TTN: variants seen among roughly 807,000 people sequenced by gnomAD.
TTN encodes connectin.
In TTN, 1,525 loss-of-function variants were observed where a neutral mutation model predicts 3,223.0. The ratio of observed to expected loss-of-function variants is 0.47; its 90% CI spans 0.45 to 0.49. The LOEUF (loss-of-function observed/expected upper bound fraction) is 0.49, where lower values mean the gene tolerates loss of function less well. Ranked by LOEUF, TTN falls within the 20% of genes least tolerant of loss-of-function variation. The pLI is 0.00. For missense variants in TTN, 40,786 were observed against 43,424.0 expected, an observed-to-expected ratio of 0.94 and a Z score of 5.40; for synonymous variants, 14,094 against 15,161.0, an observed-to-expected ratio of 0.93 and a Z score of 5.17.
intron 88 of TTN, among the ~76,000 whole-genome samples, 186 bp downstream of exon 88, chr2:178,716,909 T>A (rs532279488): frequency 9.2e-5 from 14 of 152,256 alleles, no homozygotes; most frequent in South Asian, 4.1e-4. Flanking sequence ...TTCCTAGTTT[T>A]AAATTTTTTT....
At chr2:178,686,656 C>T (rs985457290) in intron 127 of TTN, among the ~76,000 whole-genome samples, 2 of 151,970 alleles carry the variant, frequency 1.3e-5, no homozygotes, top group African/African-American at 4.8e-5. Context: ...CTCAAGCAAT[C>T]CTCCCTTCTC....
rs777910540 is a variant in TTN, at chr2:178,746,112, T to C, written c.11312-4191A>G. ...AGAGTGTGACTTCCCTTCTCCTCGC[T>C]AATCACGTATTTAATATTATCTGGC... On this transcript the variant is annotated intron_variant, in intron 47 of 362. Coordinates refer to ENST00000589042, the MANE Select transcript of TTN (RefSeq NM_001267550.2). 3.1e-6 allele frequency: 5 copies of C among 1,613,372 alleles called. No individual in the cohort carries two copies. The South Asian group carries it at 3.3e-5, about 11-fold the overall frequency.
Position 178,610,102 on chromosome 2 carries a change from G to T in TTN, c.51424C>A (p.Gln17142Lys). 1 of 1,612,732 alleles carries T rather than the reference G, an allele frequency of 6.2e-7. No homozygotes were observed. Among genetic ancestry groups the T allele is most frequent in the Non-Finnish European group, 8.5e-7 (1 of 1,179,260 alleles). The change falls in exon 271 of 363, where the codon CAA becomes AAA. Residue 17142 changes from glutamine (Q) to lysine (K), a missense_variant. Coordinates refer to ENST00000589042, the MANE Select transcript of TTN (RefSeq NM_001267550.2). ...YIELKNPVIA[Q>K]DPKQPPDPPV... ...TGTCCAAACTTACGCTTTGGATCTT[G>T]AGCAATGACTGGATTTTTCAGTTCA...
In TTN at chr2:178,551,184, A is replaced by G. The variant is rs193022702; in HGVS notation, c.91347T>C (p.Asp30449=). The change falls in exon 336 of 363, where the codon GAT becomes GAC. Residue 30449 remains aspartate, a synonymous_variant. Transcript: ENST00000589042. ...TATAGCCCACAATCTTACTGCCTCC[A>G]TCACGCAATGGTGGGTTCCATTTAA... is the stretch of plus-strand genomic sequence containing the variant. The part of the protein sequence containing the change: ...ITLKWNPPLR[D]GGSKIVGYSI... 1,393 of 1,613,590 alleles carry G rather than the reference A, an allele frequency of 8.6e-4. 3 individuals are homozygous for G. Among genetic ancestry groups the G allele is most frequent in the Non-Finnish European group, 1.1e-3 (1,250 of 1,179,664 alleles).
In TTN at chr2:178,576,690, C is replaced by T. The variant is rs201448988; in HGVS notation, c.69554G>A (p.Arg23185Gln). Residue 23185 changes from arginine (R) to glutamine (Q), a missense_variant, in exon 325 of 363, where the codon CGA becomes CAA. Transcript: ENST00000589042. This position sits in a 1 kb window ranked among gnomAD's most constrained non-coding sequence, Gnocchi z 4.3. ...HVERREKKSL[R>Q]WVRAIKTPVS... is the part of the protein sequence containing the mutation. ...TGGTGTTTTTATTGCTCTCACCCAT[C>T]GCAGGCTTTTCTTTTCTCTCCTTTC... The T allele has an allele frequency of 7.8e-5, 126 of 1,613,514 alleles. No homozygotes were observed. The highest frequency in any genetic ancestry group is 1.9e-4 in the South Asian group (17 of 91,068).
Position 178,576,387 on chromosome 2 carries a change from C to A in TTN, c.69745G>T (p.Val23249Phe). 1 of 1,564,022 alleles carries A rather than the reference C, an allele frequency of 6.4e-7. No individual in the cohort carries two copies. The highest frequency in any genetic ancestry group is 2.1e-5 in the Admixed American group (1 of 47,568). ...GCAGATTTCTTGGTAGTATCAGTGA[C>A]ATGCGGATTTGAAGGTGGTCCTGGA... ...YPPGPPSNPHVTDTTKKSASL... is the reference protein window; with the variant it reads ...YPPGPPSNPHFTDTTKKSASL... The change falls in exon 326 of 363, where the codon GTC becomes TTC. Residue 23249 changes from valine to phenylalanine, a missense_variant. By Grantham distance (50) the Val-to-Phe change is conservative. Transcript: ENST00000589042. This position sits in a 1 kb window ranked among gnomAD's most constrained non-coding sequence, Gnocchi z 4.3.
intron 8 of TTN, 66 bp downstream of exon 8, chr2:178,794,333 G>C: frequency 6.2e-7 from 1 of 1,604,660 alleles, no homozygotes; most frequent in Non-Finnish European, 8.5e-7. Flanking sequence ...TCAGTGGATG[G>C]TGGTTGAGTT....
chr2:178,797,411 T>C (rs901287530), intron 6 of TTN, among the ~76,000 whole-genome samples: 4 of 152,136 alleles, frequency 2.6e-5, no homozygotes, highest in African/African-American at 4.8e-5. Context: ...TTGCCTCTTA[T>C]GTTAAATACT....
In TTN at chr2:178,526,015, T is replaced by C. The variant is rs1686283741; in HGVS notation, c.*997A>G. On this transcript the variant is annotated 3_prime_UTR_variant, in exon 363 of 363. Coordinates refer to ENST00000589042, the MANE Select transcript of TTN (RefSeq NM_001267550.2). ...TTTGAGGTGCAGATAGCTTGCTTTA[T>C]TTTGTTGTTACTATCTCAAGGAGGT... is the stretch of plus-strand genomic sequence containing the variant. The C allele has an allele frequency of 1.3e-5, 2 of 152,682 alleles. No individual in the cohort carries two copies. Among genetic ancestry groups the C allele is most frequent in the Admixed American group, 1.3e-4 (2 of 15,284 alleles). The allele number at this position is 152,682 out of a possible 1,614,324, so 9.5% of individuals were successfully genotyped here. A position where few individuals can be genotyped will look rare whatever the true frequency, so the allele number is the denominator to read the frequency against.
In TTN at chr2:178,559,499, T is replaced by C; in HGVS notation, c.86633A>G (p.Lys28878Arg). The change falls in exon 326 of 363, where the codon AAG (lysine) becomes AGG (arginine). Residue 28878 changes from lysine (K) to arginine (R), a missense_variant. Transcript: ENST00000589042. Reference sequence around the variant, plus strand: ...CTCACGTTTTTCTATGTGGTAATTCTTCACTGGTGCTCCACCATCGTTTTC... The same window carrying C: ...CTCACGTTTTTCTATGTGGTAATTCCTCACTGGTGCTCCACCATCGTTTTC... ...VPENDGGAPVKNYHIEKREAS... is the reference protein window; with the variant it reads ...VPENDGGAPVRNYHIEKREAS... 6.2e-7 allele frequency: 1 copy of C among 1,613,794 alleles called. No individual in the cohort carries two copies. Among genetic ancestry groups the C allele is most frequent in the Middle Eastern group, 1.7e-4 (1 of 6,058 alleles).
At position 178,722,375 on chromosome 2, in the gene TTN, T is replaced by C. The variant is rs760724710; in HGVS notation, c.22412A>G (p.Asp7471Gly). 10 of 1,613,460 alleles carry C rather than the reference T, an allele frequency of 6.2e-6. No individual in the cohort carries two copies. The highest frequency in any genetic ancestry group is 1.7e-5 in the Admixed American group (1 of 59,964). The change falls in exon 77 of 363, where the codon GAT becomes GGT. Residue 7471 changes from aspartate to glycine, a missense_variant. Asp to Gly is a moderately conservative substitution (Grantham distance 94). Coordinates refer to ENST00000589042, the MANE Select transcript of TTN (RefSeq NM_001267550.2). ...DDENLQTSFV[D>G]NVATLKILQT... ...CAAAATTTTTAAAGTTGCCACATTATCTACAAATGAAGTCTGTAGATTTTC... is the reference window on the plus strand; with the variant it reads ...CAAAATTTTTAAAGTTGCCACATTACCTACAAATGAAGTCTGTAGATTTTC...
Position 178,598,004 on chromosome 2 carries a change from C to T in TTN, c.57166G>A (p.Gly19056Arg). The stretch of plus-strand genomic sequence containing the variant: ...CTAACTCTAAATTTGTAGAATGCTC[C>T]TTCCTTTAATCCTGTCACAACAAGC... The part of the protein sequence containing the change: ...TKLVVTGLKE[G>R]AFYKFRVRAV... The change falls in exon 293 of 363, where the codon GGA becomes AGA. Residue 19056 changes from glycine to arginine, a missense_variant. By Grantham distance (125) the Gly-to-Arg change is moderately radical. Coordinates refer to ENST00000589042, the MANE Select transcript of TTN (RefSeq NM_001267550.2). 1 of 1,613,406 alleles carries T rather than the reference C, an allele frequency of 6.2e-7. No homozygotes were observed. The highest frequency in any genetic ancestry group is 8.5e-7 in the Non-Finnish European group (1 of 1,179,582).
In TTN at chr2:178,611,632, C is replaced by T. The variant is rs774137928; in HGVS notation, c.50597G>A (p.Arg16866Lys). 1.7e-5 allele frequency: 27 copies of T among 1,612,954 alleles called. No homozygotes were observed. Among genetic ancestry groups the T allele is most frequent in the Non-Finnish European group, 2.0e-5 (24 of 1,179,366 alleles). ...PLDLHVTDAG[R>K]KHIAIAWKPP... The stretch of plus-strand genomic sequence containing the variant: ...CTTCCAAGCAATGGCAATGTGTTTT[C>T]TCCCAGCATCAGTCACATGTAGGTC... The change falls in exon 269 of 363, where the codon AGA (arginine) becomes AAA (lysine). Residue 16866 changes from arginine (R) to lysine (K), a missense_variant. Coordinates refer to ENST00000589042, the MANE Select transcript of TTN (RefSeq NM_001267550.2).
chr2:178,574,980 C>T lies in TTN; in HGVS notation c.71152G>A (p.Val23718Ile), dbSNP rs794729489. Residue 23718 changes from valine to isoleucine, a missense_variant, in exon 326 of 363, where the codon GTC becomes ATC. Coordinates refer to ENST00000589042, the MANE Select transcript of TTN (RefSeq NM_001267550.2). ...ARNIVGEVGD[V>I]ITIQVHDIPG... ...ATATCATGGACTTGAATGGTGATGA[C>T]ATCACCAACCTCTCCTACAATGTTC... 2 of 1,613,150 alleles carry T rather than the reference C, an allele frequency of 1.2e-6. No individual in the cohort carries two copies. The highest frequency in any genetic ancestry group is 1.1e-5 in the South Asian group (1 of 91,058).
chr2:178,675,707 G>C lies in TTN; in HGVS notation c.34501C>G (p.Pro11501Ala). Residue 11501 changes from proline (P) to alanine (A), a missense_variant, in exon 149 of 363, where the codon CCT (proline) becomes GCT (alanine). Coordinates refer to ENST00000589042, the MANE Select transcript of TTN (RefSeq NM_001267550.2). ...KPEPEKKVPP[P>A]GLKKAVAPPA... is the part of the protein sequence containing the mutation. ...GGGGCCACTGCTTTCTTAAGACCAG[G>C]AGGAGGGACCTTCTTTTCTGGCTCA... The C allele has an allele frequency of 7.0e-7, 1 of 1,428,792 alleles. No individual in the cohort carries two copies. Among genetic ancestry groups the C allele is most frequent in the Non-Finnish European group, 9.1e-7 (1 of 1,100,746 alleles). 88.5% of individuals were successfully genotyped at this position (1,428,792 alleles called of 1,614,324 possible).
Position 178,717,267 on chromosome 2 carries a change from C to A in TTN, c.25467G>T (p.Trp8489Cys). 1.2e-6 allele frequency: 2 copies of A among 1,613,610 alleles called. No homozygotes were observed. The highest frequency in any genetic ancestry group is 1.7e-6 in the Non-Finnish European group (2 of 1,179,666). Residue 8489 changes from tryptophan (W) to cysteine (C), a missense_variant, in exon 88 of 363, where the codon TGG (tryptophan) becomes TGT (cysteine). Trp to Cys is a radical substitution (Grantham distance 215, BLOSUM62 -2). Coordinates refer to ENST00000589042, the MANE Select transcript of TTN (RefSeq NM_001267550.2). The part of the protein sequence containing the change: ...VTGTAPIKIT[W>C]AKDNREIRPG... ...GGCGAATCTCTCGGTTATCTTTGGC[C>A]CAAGTGATTTTGATTGGTGCAGTCC...
chr2:178,714,936 T>C, intron 90 of TTN, 50 bp downstream of exon 90: 2 of 1,563,190 alleles, frequency 1.3e-6, no homozygotes. Context: ...CAACAGAGTA[T>C]TACAATTAGA....
chr2:178,534,202 A>T lies in TTN; in HGVS notation c.102413T>A (p.Val34138Asp). ...VKVASIEIGP[V>D]SGQIMHAVGE... ...AACTGCATGCATTATCTGCCCAGAA[A>T]CTGGGCCAATTTCAATGGATGCCAC... Residue 34138 changes from valine (V) to aspartate (D), a missense_variant, in exon 358 of 363, where the codon GTT becomes GAT. Val to Asp is a radical substitution (Grantham distance 152, BLOSUM62 -3). Transcript: ENST00000589042. 1 of 1,613,978 alleles carries T rather than the reference A, an allele frequency of 6.2e-7. No homozygotes were observed. The highest frequency in any genetic ancestry group is 8.5e-7 in the Non-Finnish European group (1 of 1,179,858).
rs1295030387 is a variant in TTN at position 178,733,611 on chromosome 2, A to C, written c.15775+3T>G. 6.2e-7 allele frequency: 1 copy of C among 1,607,630 alleles called. No homozygotes were observed. The highest frequency in any genetic ancestry group is 1.7e-4 in the Middle Eastern group (1 of 6,014). ...TTTGAGGTTTAAATGTTCCTACACA[A>C]ACCTTTAACTATTAATTCCCCAACA... On this transcript the variant is annotated splice_donor_region_variant and intron_variant, in intron 53 of 362. Transcript: ENST00000589042.
Sources: gnomAD v4.1 joint callset for allele counts (sites outside exome capture counted in the v4.1 genomes callset) on GRCh38, gnomAD v4.1.1 for gene constraint, Gnocchi (gnomAD v3.1) non-coding constraint, MANE v1.5 for transcripts, NCBI Gene and HGNC (gene_info 2026-07-23, HGNC 2026-07-21) for gene names.